Variants in HIBADH observed in about 807,000 individuals in gnomAD.
HIBADH encodes 3-hydroxyisobutyrate dehydrogenase, also known as 3-hydroxyisobutyrate dehydrogenase, mitochondrial.
HIBADH carries 25 observed loss-of-function variants against 36.1 expected under a neutral mutation model. That is an observed-to-expected ratio of 0.69 (90% CI 0.50 to 0.97). The LOEUF is 0.97. Among genes scored for constraint, HIBADH ranks in the 50% least tolerant of loss-of-function variants. HIBADH has a pLI of 0.00. For synonymous variants in HIBADH, 160 were observed against 149.5 expected (o/e 1.07, Z -0.51); for missense variants, 421 against 418.0 (o/e 1.01, Z -0.06).
intron 2 of HIBADH, chr7:27,647,713 A>C (rs1786096968): frequency 2.4e-6 from 1 of 416,372 alleles, no homozygotes. Context: ...ACTTGTTGGG[A>C]AACAGAGGTA....
At chr7:27,533,696 A>G (rs1784033422) in intron 6 of HIBADH, among the ~76,000 whole-genome samples, 1 of 152,192 alleles carries the variant, frequency 6.6e-6, no homozygotes, top group South Asian at 2.1e-4. Flanking sequence ...TTCAGAGTCT[A>G]TCCTAGAACG....
chr7:27,555,004 A>G (rs967445229), intron 4 of HIBADH, among the ~76,000 whole-genome samples: 1 of 152,200 alleles, frequency 6.6e-6, no homozygotes, highest in African/African-American at 2.4e-5. Flanking sequence ...CATAACATTA[A>G]GGAAAGGTAA....
chr7:27,593,802 G>A (rs993300969), intron 4 of HIBADH, among the ~76,000 whole-genome samples: 1 of 151,850 alleles, frequency 6.6e-6, no homozygotes, highest in Non-Finnish European at 1.5e-5. Flanking sequence ...AGTAGAATAA[G>A]AGAATTCAAA....
intron 4 of HIBADH, among the ~76,000 whole-genome samples, chr7:27,602,160 A>G (rs544904676): frequency 5.3e-4 from 81 of 151,578 alleles, no homozygotes; most frequent in Non-Finnish European, 1.0e-3. Context: ...CTGAGACTCA[A>G]CTTCCTCACT....
At chr7:27,540,205 T>G (rs1334254715) in intron 5 of HIBADH, among the ~76,000 whole-genome samples, 2 of 152,196 alleles carry the variant, frequency 1.3e-5, no homozygotes, top group Non-Finnish European at 2.9e-5. Context: ...GAAGGGTCCA[T>G]GTTGTAAAAG....
At chr7:27,617,366 C>T (rs923096386) in intron 4 of HIBADH, among the ~76,000 whole-genome samples, 3 of 152,102 alleles carry the variant, frequency 2.0e-5, no homozygotes, top group African/African-American at 7.2e-5. Context: ...AGAACAATGA[C>T]GCAATTGCTT....
chr7:27,542,384 C>CTA (rs1784164116), intron 5 of HIBADH, among the ~76,000 whole-genome samples: 1 of 149,188 alleles, frequency 6.7e-6, no homozygotes, highest in African/African-American at 2.5e-5. Context: ...GATGATTTCA[C>CTA]TAGTTGCTGG....
At chr7:27,658,133 G>C (rs189531628) in intron 1 of HIBADH, among the ~76,000 whole-genome samples, 5 of 151,912 alleles carry the variant, frequency 3.3e-5, no homozygotes, top group African/African-American at 1.2e-4. Flanking sequence ...CTGAATAAGC[G>C]CTTGGCAAAT....
At chr7:27,612,000 T>G (rs1329599864) in intron 4 of HIBADH, among the ~76,000 whole-genome samples, 2 of 152,218 alleles carry the variant, frequency 1.3e-5, no homozygotes, top group African/African-American at 4.8e-5. Flanking sequence ...TCTTCCTTTT[T>G]TTTTTCCTTC....
intron 4 of HIBADH, among the ~76,000 whole-genome samples, chr7:27,560,630 AAG>A (rs1161666853): frequency 2.0e-5 from 3 of 152,182 alleles, no homozygotes; most frequent in African/African-American, 7.2e-5. Flanking sequence ...ATTTCTTAAA[AAG>A]AGCAAAGAGC....
intron 5 of HIBADH, among the ~76,000 whole-genome samples, chr7:27,541,256 G>T (rs1030237757): frequency 6.6e-6 from 1 of 151,688 alleles, no homozygotes; most frequent in Non-Finnish European, 1.5e-5. Flanking sequence ...GCTGTCTCTT[G>T]GTTGGCAGAA....
chr7:27,638,323 A>C (rs914686348), intron 2 of HIBADH, among the ~76,000 whole-genome samples: 17 of 148,690 alleles, frequency 1.1e-4, no homozygotes, highest in Non-Finnish European at 2.5e-4. Context: ...AAAAAAAAAA[A>C]AAAAAAACAA....
At chr7:27,637,364 TA>T (rs1785858602) in intron 2 of HIBADH, among the ~76,000 whole-genome samples, 1 of 152,212 alleles carries the variant, frequency 6.6e-6, no homozygotes, top group South Asian at 2.1e-4. Flanking sequence ...TCTAAAATAT[TA>T]AGATCTGATC....
Position 27,617,987 on chromosome 7 carries a change from A to G in HIBADH, c.484+11384T>C, listed in dbSNP as rs1376475163. On this transcript the variant is annotated intron_variant, in intron 4 of 7. Coordinates refer to ENST00000265395, the MANE Select transcript of HIBADH (RefSeq NM_152740.4). ...CGCTGAAAGGCAGTACCTGGGACAA[A>G]GGAAACTGAAGCACACTCTACAGTG... is the stretch of plus-strand genomic sequence containing the variant. 3.3e-5 allele frequency among the ~76,000 whole-genome samples: 5 copies of G among 152,242 alleles called. No individual in the cohort carries two copies. In the East Asian group the frequency reaches 9.6e-4, roughly 29 times the overall value.
chr7:27,575,806 C>T (rs1438547018), intron 4 of HIBADH, among the ~76,000 whole-genome samples: 1 of 152,150 alleles, frequency 6.6e-6, no homozygotes, highest in East Asian at 1.9e-4. Flanking sequence ...CAGTTTTTAT[C>T]ATGTAAGTAC....
intron 4 of HIBADH, among the ~76,000 whole-genome samples, chr7:27,615,544 G>A (rs1262738864): frequency 1.3e-5 from 2 of 152,056 alleles, no homozygotes; most frequent in South Asian, 2.1e-4. Flanking sequence ...TACAACACTG[G>A]TCCCATGAGA....
chr7:27,607,414 CAGG>C (rs1785248143), intron 4 of HIBADH, among the ~76,000 whole-genome samples: 1 of 152,020 alleles, frequency 6.6e-6, no homozygotes, highest in African/African-American at 2.4e-5. Context: ...GAGGAAGAGG[CAGG>C]AGAATCATCT....
intron 1 of HIBADH, 84 bp from the exon 2 acceptor site, chr7:27,649,717 A>G: frequency 3.1e-6 from 4 of 1,298,922 alleles, no homozygotes; most frequent in Non-Finnish European, 4.1e-6. Context: ...GTCAATTGTT[A>G]GATTTTTTTT....
At chr7:27,565,705 C>A (rs1784537926) in intron 4 of HIBADH, among the ~76,000 whole-genome samples, 1 of 152,046 alleles carries the variant, frequency 6.6e-6, no homozygotes, top group Admixed American at 6.6e-5. Context: ...GAGTAGATAT[C>A]CTGTGTTGTC....
Sources: allele counts gnomAD v4.1 joint callset (sites outside exome capture counted in the v4.1 genomes callset), GRCh38; gene constraint gnomAD v4.1.1; transcripts MANE v1.5; gene names NCBI Gene and HGNC (gene_info 2026-07-23, HGNC 2026-07-21).